The following SLC26A7 variants were observed in gnomAD, a reference collection of about 807,000 sequenced individuals.
SLC26A7 encodes anion exchange transporter.
Under a neutral mutation model 82.5 loss-of-function variants are expected in SLC26A7, and 59 were observed. That is an observed-to-expected ratio of 0.72 (90% confidence interval 0.58 to 0.89). The LOEUF (loss-of-function observed/expected upper bound fraction) is 0.89, where lower values mean the gene tolerates loss of function less well. Ranked by LOEUF, SLC26A7 falls within the 40% of genes least tolerant of loss-of-function variation. The pLI is 0.00. For synonymous variants in SLC26A7, 271 were observed against 274.3 expected, an observed-to-expected ratio of 0.99 and a Z score of 0.12; for missense variants, 820 against 793.0, an observed-to-expected ratio of 1.03 and a Z score of -0.41.
At chr8:91,245,694 C>G (rs1239616525), upstream of SLC26A7, among the ~76,000 whole-genome samples, 1 of 152,144 alleles carries the variant, frequency 6.6e-6, no homozygotes, top group Non-Finnish European at 1.5e-5. Context: ...TCAAAGAAGC[C>G]TCATGTCAAA....
intron 15 of SLC26A7, among the ~76,000 whole-genome samples, chr8:91,388,787 C>G (rs1352209819): frequency 6.6e-6 from 1 of 151,962 alleles, no homozygotes; most frequent in African/African-American, 2.4e-5. Flanking sequence ...TACTATGAAC[C>G]GAATGAAGCT....
chr8:91,334,807 TC>T lies in SLC26A7; in HGVS notation c.795+362del, dbSNP rs751003111. Among the ~76,000 whole-genome samples the T allele has an allele frequency of 3.3e-5, 5 of 152,274 alleles. No homozygotes were observed. In the South Asian group the frequency reaches 6.2e-4, roughly 19 times the overall value. On this transcript the variant is annotated intron_variant, in intron 6 of 18. Coordinates refer to ENST00000276609, the MANE Select transcript of SLC26A7 (RefSeq NM_052832.4). ...TAAATTAATAAAATATGGTATCATT[TC>T]CTATTTATATGGCACCTATAAGATA...
At chr8:91,391,816 A>T (rs914737050) in intron 16 of SLC26A7, among the ~76,000 whole-genome samples, 13 of 147,974 alleles carry the variant, frequency 8.8e-5, no homozygotes, top group Non-Finnish European at 1.3e-4. Flanking sequence ...TTTTTTTTTT[A>T]AACTGGGAAA....
At chr8:91,288,621 C>T (rs1279382948) in intron 2 of SLC26A7, among the ~76,000 whole-genome samples, 4 of 149,760 alleles carry the variant, frequency 2.7e-5, no homozygotes, top group Non-Finnish European at 6.0e-5. Context: ...GGCCCTACTG[C>T]TGTGACACAC....
chr8:91,331,498 A>C (rs1813080840), intron 5 of SLC26A7, among the ~76,000 whole-genome samples: 1 of 152,152 alleles, frequency 6.6e-6, no homozygotes, highest in African/African-American at 2.4e-5. Context: ...TTTTCACACG[A>C]GCTTAATTAT....
At position 91,338,144 on chromosome 8, in the gene SLC26A7, A is replaced by G; in HGVS notation, c.796-6A>G. The G allele has an allele frequency of 2.5e-6, 4 of 1,602,296 alleles. No individual in the cohort carries two copies. Among genetic ancestry groups the G allele is most frequent in the Non-Finnish European group, 2.6e-6 (3 of 1,176,070 alleles). On this transcript the variant is annotated splice_region_variant and splice_polypyrimidine_tract_variant and intron_variant, in intron 6 of 18. Coordinates refer to ENST00000276609, the MANE Select transcript of SLC26A7 (RefSeq NM_052832.4). ...ATTTTTTCTTTTTTCAAATGGAACC[A>G]CACAGATTATTGCTGCATCATTTGC...
At chr8:91,295,763 T>G in intron 4 of SLC26A7, 60 bp downstream of exon 4, 1 of 1,511,472 alleles carries the variant, frequency 6.6e-7, no homozygotes, top group Non-Finnish European at 9.0e-7. Context: ...GGAAGGCAGC[T>G]GGTGTTTTAT....
intron 2 of SLC26A7, among the ~76,000 whole-genome samples, chr8:91,279,794 C>T (rs1406390885): frequency 2.6e-5 from 4 of 152,056 alleles, no homozygotes; most frequent in Admixed American, 1.3e-4. Context: ...CTCCTGACCT[C>T]GTGTGCACCC....
chr8:91,231,767 CTGTGTGTA>C (rs971612223), intron 2 of SLC26A7, among the ~76,000 whole-genome samples: 4 of 151,820 alleles, frequency 2.6e-5, no homozygotes, highest in South Asian at 2.1e-4. Flanking sequence ...ATAGGGAACT[CTGTGTGTA>C]TGTGTGTATG....
intron 4 of SLC26A7, among the ~76,000 whole-genome samples, chr8:91,304,827 C>A (rs1812259583): frequency 6.6e-6 from 1 of 152,186 alleles, no homozygotes. Flanking sequence ...TGTGGCAGAA[C>A]AATGTTCTTG....
intron 11 of SLC26A7, among the ~76,000 whole-genome samples, chr8:91,360,098 G>A (rs1254015835): frequency 2.6e-5 from 4 of 152,072 alleles, no homozygotes; most frequent in Non-Finnish European, 5.9e-5. Flanking sequence ...CATTGGCTCA[G>A]AACTAAGTTT....
At chr8:91,220,851 C>A (rs1810149553) in intron 2 of SLC26A7, among the ~76,000 whole-genome samples, 1 of 152,086 alleles carries the variant, frequency 6.6e-6, no homozygotes, top group Non-Finnish European at 1.5e-5. Flanking sequence ...GATTTATAAT[C>A]CTTTGGGTAT....
chr8:91,338,032 A>G lies in SLC26A7; in HGVS notation c.796-118A>G, dbSNP rs1813292954. 1.5e-5 allele frequency: 8 copies of G among 549,422 alleles called. No homozygotes were observed. The South Asian group carries it at 3.0e-4, about 20-fold the overall frequency. The allele number at this position is 549,422 out of a possible 1,614,324, so 34.0% of individuals were successfully genotyped here. Reference sequence around the variant, plus strand: ...ATTTTTGAAAGTCTGTGCAACTGCTAGATTATTCTTGATGTTTATGGGACA... The same window carrying G: ...ATTTTTGAAAGTCTGTGCAACTGCTGGATTATTCTTGATGTTTATGGGACA... On this transcript the variant is annotated intron_variant, in intron 6 of 18. Coordinates refer to ENST00000276609, the MANE Select transcript of SLC26A7 (RefSeq NM_052832.4).
At chr8:91,313,896 CT>C (rs1243152416) in intron 4 of SLC26A7, among the ~76,000 whole-genome samples, 1 of 152,124 alleles carries the variant, frequency 6.6e-6, no homozygotes, top group African/African-American at 2.4e-5. Context: ...TAATTGTTTC[CT>C]ATGTACTCTT....
At chr8:91,219,048 C>G in intron 2 of SLC26A7, 1 of 1,011,134 alleles carries the variant, frequency 9.9e-7, no homozygotes, top group Non-Finnish European at 1.5e-6. Flanking sequence ...GCCCTGTCAG[C>G]TCTGCATACA....
At chr8:91,305,765 A>G (rs759091577) in intron 4 of SLC26A7, among the ~76,000 whole-genome samples, 2 of 152,186 alleles carry the variant, frequency 1.3e-5, no homozygotes, top group African/African-American at 4.8e-5. Context: ...TCCTGAACAT[A>G]TGATTAGTTT....
intron 5 of SLC26A7, among the ~76,000 whole-genome samples, chr8:91,327,179 A>G (rs1812956286): frequency 6.6e-6 from 1 of 152,102 alleles, no homozygotes; most frequent in Middle Eastern, 3.2e-3. Context: ...ATGTATGGTG[A>G]GGAGGTTTTA....
intron 11 of SLC26A7, among the ~76,000 whole-genome samples, chr8:91,355,549 G>C (rs552146140): frequency 1.3e-5 from 2 of 151,730 alleles, no homozygotes; most frequent in East Asian, 3.9e-4. Flanking sequence ...TTTAAACATG[G>C]CTTTTATTTT....
intron 15 of SLC26A7, among the ~76,000 whole-genome samples, chr8:91,384,614 A>G (rs1222976508): frequency 1.3e-5 from 2 of 152,030 alleles, no homozygotes; most frequent in Non-Finnish European, 2.9e-5. Context: ...TCACACTTTA[A>G]TTTACTAGTT....
Sources: gnomAD v4.1 joint callset for allele counts (sites outside exome capture counted in the v4.1 genomes callset) on GRCh38, gnomAD v4.1.1 for gene constraint, MANE v1.5 for transcripts, NCBI Gene and HGNC (gene_info 2026-07-23, HGNC 2026-07-21) for gene names.